GLT1D1: variants seen among roughly 807,000 people sequenced by gnomAD.
GLT1D1 encodes the protein glycosyltransferase 1 domain containing 1, also known as glycosyltransferase 1 domain-containing protein 1.
Under a neutral mutation model 28.7 loss-of-function variants are expected in GLT1D1, and 21 were observed. The observed-to-expected ratio is 0.73, with a 90% CI of 0.52 to 1.05. GLT1D1 has a LOEUF of 1.05. Ranked by LOEUF, GLT1D1 falls within the 50% of genes least tolerant of loss-of-function variation. GLT1D1 has a pLI of 0.00. For missense variants in GLT1D1, 343 were observed against 330.6 expected (o/e 1.04, Z -0.29); for synonymous variants, 147 against 124.8 (o/e 1.18, Z -1.19).
At chr12:128,945,148 T>C in intron 4 of GLT1D1, 178 bp from the exon 9 acceptor site, 1 of 740,976 alleles carries the variant, frequency 1.3e-6, no homozygotes, top group Non-Finnish European at 2.5e-6. Context: ...CACAGTGCCC[T>C]TGCCCGAGCC....
intron 1 of GLT1D1, among the ~76,000 whole-genome samples, chr12:128,860,553 G>A (rs528416547): frequency 6.6e-6 from 1 of 152,326 alleles, no homozygotes; most frequent in Admixed American, 6.5e-5. Flanking sequence ...CTCACCTGCT[G>A]GGCAGCCCTT....
intron 4 of GLT1D1, among the ~76,000 whole-genome samples, chr12:128,919,251 C>T (rs1872410911): frequency 6.6e-6 from 1 of 152,160 alleles, no homozygotes; most frequent in African/African-American, 2.4e-5. Context: ...GAGCTTCAGA[C>T]AGTGAAAACA....
rs34870104 is a variant in GLT1D1 at position 128,939,837 on chromosome 12, A to ACCCCCC, written c.376-5485_376-5480dup. On this transcript the variant is annotated intron_variant, in intron 4 of 7. Transcript: ENST00000281703. The stretch of plus-strand genomic sequence containing the variant: ...GGGGGATGTTGCCAAATTGTTAGAA[A>ACCCCCC]CCCCCCCCCACCGCCGATCCAATCA... Among the ~76,000 whole-genome samples, 40 of 97,620 alleles carry ACCCCCC rather than the reference A, an allele frequency of 4.1e-4. 2 individuals carry two copies. Among genetic ancestry groups the ACCCCCC allele is most frequent in the African/African-American group, 8.4e-4 (18 of 21,432 alleles). The allele number at this position is 97,620 out of a possible 152,430, so 64.0% of individuals were successfully genotyped here.
chr12:128,941,563 CTT>C (rs1875240172), intron 4 of GLT1D1, among the ~76,000 whole-genome samples: 2 of 141,716 alleles, frequency 1.4e-5, no homozygotes, highest in African/African-American at 2.8e-5. Context: ...TTCTCTCTCT[CTT>C]TCTCTTTTTT....
chr12:128,943,200 T>C (rs1186129395), intron 4 of GLT1D1, among the ~76,000 whole-genome samples: 1 of 152,236 alleles, frequency 6.6e-6, no homozygotes, highest in East Asian at 1.9e-4. Context: ...GGTTAACCTA[T>C]TGTGTAAAGT....
At chr12:128,872,653 A>T (rs1403840917) in intron 1 of GLT1D1, among the ~76,000 whole-genome samples, 4 of 152,164 alleles carry the variant, frequency 2.6e-5, no homozygotes, top group Admixed American at 2.6e-4. Context: ...CCCCATTCTC[A>T]TGCCACTGAC....
At chr12:128,869,759 C>T (rs1367571594) in intron 1 of GLT1D1, among the ~76,000 whole-genome samples, 2 of 151,996 alleles carry the variant, frequency 1.3e-5, no homozygotes, top group Non-Finnish European at 2.9e-5. Flanking sequence ...TGGGCGTCCC[C>T]TCCTGTTCGG....
chr12:128,932,513 T>C (rs185391341), intron 4 of GLT1D1, among the ~76,000 whole-genome samples: 5 of 152,188 alleles, frequency 3.3e-5, no homozygotes, highest in Non-Finnish European at 5.9e-5. Flanking sequence ...CATCAATTAT[T>C]AAGAATTCTA....
intron 7 of GLT1D1, among the ~76,000 whole-genome samples, chr12:128,976,526 C>T (rs888114756): frequency 1.3e-5 from 2 of 152,208 alleles, no homozygotes; most frequent in Admixed American, 1.3e-4. Flanking sequence ...TCCTCGTCAA[C>T]GTCTCCCATC....
At chr12:128,867,426 A>G (rs1392837906) in intron 1 of GLT1D1, among the ~76,000 whole-genome samples, 2 of 150,398 alleles carry the variant, frequency 1.3e-5, no homozygotes, top group East Asian at 1.9e-4. Context: ...ACAGAAAAAA[A>G]AAAAAGGAAA....
rs1477634147 is a variant in GLT1D1, at chr12:128,973,179, G to T, written c.640-9750G>T. On this transcript the variant is annotated intron_variant, in intron 7 of 7. Transcript: ENST00000281703. ...CTTTTCTGTTTTGTTTGTTTGCTTG[G>T]TTTTTTTTTTTTTTTTTTTTTTTTT... is the stretch of plus-strand genomic sequence containing the variant. 7.8e-4 allele frequency among the ~76,000 whole-genome samples: 40 copies of T among 50,964 alleles called. No homozygotes were observed. The East Asian group carries it at 0.015, about 18-fold the overall frequency. 33.4% of individuals were successfully genotyped at this position (50,964 alleles called of 152,430 possible). A position where few individuals can be genotyped will look rare whatever the true frequency, so the allele number is the denominator to read the frequency against.
intron 5 of GLT1D1, 58 bp downstream of exon 9, chr12:128,945,427 G>C: frequency 7.4e-7 from 1 of 1,355,110 alleles, no homozygotes; most frequent in South Asian, 1.2e-5. Flanking sequence ...TGGCCCCTGG[G>C]TTACCTGAAC....
chr12:128,965,515 G>A (rs1009186359), intron 7 of GLT1D1, among the ~76,000 whole-genome samples: 1 of 152,088 alleles, frequency 6.6e-6, no homozygotes, highest in African/African-American at 2.4e-5. Flanking sequence ...GAAACCATGA[G>A]ACAATACATG....
intron 7 of GLT1D1, among the ~76,000 whole-genome samples, chr12:128,977,510 T>C (rs1006321393): frequency 1.3e-5 from 2 of 152,162 alleles, no homozygotes; most frequent in African/African-American, 2.4e-5. Flanking sequence ...GGAACACTTT[T>C]ACATAAATAT....
chr12:128,970,483 G>A (rs1485568714), intron 7 of GLT1D1, among the ~76,000 whole-genome samples: 1 of 152,112 alleles, frequency 6.6e-6, no homozygotes, highest in Admixed American at 6.5e-5. Context: ...CCTCCCCGCA[G>A]CCACAGGCAC....
intron 4 of GLT1D1, among the ~76,000 whole-genome samples, chr12:128,902,636 C>A (rs1870409239): frequency 6.6e-6 from 1 of 151,684 alleles, no homozygotes; most frequent in Admixed American, 6.6e-5. Context: ...TTTCCTACTA[C>A]CTGTCTGCAA....
chr12:128,864,515 T>G (rs559879119), intron 1 of GLT1D1, among the ~76,000 whole-genome samples: 1 of 151,796 alleles, frequency 6.6e-6, no homozygotes, highest in South Asian at 2.1e-4. Flanking sequence ...CTGATCTTGT[T>G]CCGCAGGAGT....
chr12:128,944,490 TG>T (rs1393089630), intron 4 of GLT1D1: 2 of 1,157,732 alleles, frequency 1.7e-6, no homozygotes, highest in Non-Finnish European at 2.6e-6. Context: ...GCGGCTCCCC[TG>T]TCAGAGCATC....
At position 128,984,252 on chromosome 12, in the gene GLT1D1, C is replaced by T. The variant is rs1880589126; in HGVS notation, c.*1162C>T. The stretch of plus-strand genomic sequence containing the variant: ...AAGCGGGTTTCGACGCTTAGGAGGG[C>T]CGAGGGAGAAGATTCCACCAGCATT... On this transcript the variant is annotated 3_prime_UTR_variant, in exon 8 of 8. Transcript: ENST00000281703. The T allele has an allele frequency of 6.6e-6, 1 of 152,168 alleles. No homozygotes were observed. Among genetic ancestry groups the T allele is most frequent in the African/African-American group, 2.4e-5 (1 of 41,438 alleles). 9.4% of individuals were successfully genotyped at this position (152,168 alleles called of 1,614,324 possible).
Sources: gnomAD v4.1 joint callset for allele counts (sites outside exome capture counted in the v4.1 genomes callset) on GRCh38, gnomAD v4.1.1 for gene constraint, MANE v1.5 for transcripts, NCBI Gene and HGNC (gene_info 2026-07-23, HGNC 2026-07-21) for gene names.